The following FBXO11 variants were observed in gnomAD, a reference collection of about 807,000 sequenced individuals.
The protein encoded by FBXO11 is F-box protein 11.
In FBXO11, 13 loss-of-function variants were observed where a neutral mutation model predicts 117.0. That is an observed-to-expected ratio of 0.11 (90% CI 0.07 to 0.18). The LOEUF (loss-of-function observed/expected upper bound fraction) is 0.18. FBXO11 is among the 10% of genes least tolerant of loss of function. The pLI, the probability that FBXO11 is intolerant of heterozygous loss-of-function variation, is 1.00. For synonymous variants in FBXO11, 490 were observed against 380.5 expected (o/e 1.29, Z -3.35); for missense variants, 767 against 1,164.4 (o/e 0.66, Z 4.97).
intron 1 of FBXO11, among the ~76,000 whole-genome samples, chr2:47,901,079 G>A (rs1572934309): frequency 1.6e-5 from 2 of 125,158 alleles, no homozygotes; most frequent in Admixed American, 7.9e-5. Flanking sequence ...ATATACACAC[G>A]TGTGTACATA....
At chr2:47,856,162 G>C (rs1032446774) in intron 1 of FBXO11, among the ~76,000 whole-genome samples, 2 of 152,094 alleles carry the variant, frequency 1.3e-5, no homozygotes, top group African/African-American at 4.8e-5. Flanking sequence ...CTCAGAAAAT[G>C]CAAGTACAAC....
At chr2:47,905,402 CCCCGCCCG>C (rs545418712) in intron 1 of FBXO11, 79 bp downstream of exon 1, 122,024 of 1,094,178 alleles carry the variant, frequency 0.11, 7,109 homozygotes, top group Non-Finnish European at 0.12. Context: ...CGCAGGCCGC[CCCCGCCCG>C]CCCGCCCGCC....
chr2:47,869,980 A>T (rs1675504228), intron 1 of FBXO11, among the ~76,000 whole-genome samples: 1 of 152,162 alleles, frequency 6.6e-6, no homozygotes, highest in Non-Finnish European at 1.5e-5. Flanking sequence ...CCTGGCCAAG[A>T]TTAGAATTTA....
At chr2:47,856,328 T>A (rs894841749) in intron 1 of FBXO11, among the ~76,000 whole-genome samples, 1 of 152,152 alleles carries the variant, frequency 6.6e-6, no homozygotes, top group African/African-American at 2.4e-5. Context: ...GAAGACATAT[T>A]TCAGCAAAAC....
chr2:47,885,742 C>A (rs1676785349), intron 1 of FBXO11, among the ~76,000 whole-genome samples: 1 of 152,106 alleles, frequency 6.6e-6, no homozygotes, highest in African/African-American at 2.4e-5. Context: ...CAAAAAAATG[C>A]CAACATAAAG....
At chr2:47,841,769 T>C (rs1005568225) in intron 1 of FBXO11, among the ~76,000 whole-genome samples, 1 of 151,594 alleles carries the variant, frequency 6.6e-6, no homozygotes, top group Non-Finnish European at 1.5e-5. Context: ...GCCTCCTGAG[T>C]AGCTGGGACT....
rs766752833 is a variant in FBXO11, at chr2:47,832,483, T to C, written c.1264A>G (p.Ile422Val). Residue 422 changes from isoleucine (I) to valine (V), a missense_variant, in exon 11 of 23, where the codon ATA (isoleucine) becomes GTA (valine). This residue lies in a region of FBXO11 where 33 missense variants were observed against 66.1 expected (regional missense o/e 0.50). Coordinates refer to ENST00000403359, the MANE Select transcript of FBXO11 (RefSeq NM_001190274.2). Reference sequence around the variant, plus strand: ...TTGGAAATTTCATTATCCTCATATATTCCCTACAACAAGTTATCAGAAACA... The same window carrying C: ...TTGGAAATTTCATTATCCTCATATACTCCCTACAACAAGTTATCAGAAACA... ...GLYITDHAQG[I>V]YEDNEISNNA... 2.5e-6 allele frequency: 4 copies of C among 1,612,928 alleles called. No individual in the cohort carries two copies. Among genetic ancestry groups the C allele is most frequent in the South Asian group, 2.2e-5 (2 of 90,944 alleles).
rs1471211387 is a variant in FBXO11, at chr2:47,810,297, A to G, written c.2338+19T>C. On this transcript the variant is annotated intron_variant, in intron 19 of 22. Transcript: ENST00000403359. ...GCAGAACTATATATAAGCCACAGGT[A>G]AGAAAAGAAAATACAAACCTGCGGC... 6.6e-7 allele frequency: 1 copy of G among 1,508,114 alleles called. No homozygotes were observed. Among genetic ancestry groups the G allele is most frequent in the South Asian group, 1.2e-5 (1 of 85,182 alleles). 93.4% of individuals were successfully genotyped at this position (1,508,114 alleles called of 1,614,324 possible). A position where few individuals can be genotyped will look rare whatever the true frequency, so the allele number is the denominator to read the frequency against.
chr2:47,901,789 T>G (rs764644879), intron 1 of FBXO11, among the ~76,000 whole-genome samples: 4 of 152,194 alleles, frequency 2.6e-5, no homozygotes, highest in Non-Finnish European at 4.4e-5. Flanking sequence ...AATACATTCC[T>G]GCAGTAAAGA....
At chr2:47,816,601 G>T (rs957474740) in intron 16 of FBXO11, among the ~76,000 whole-genome samples, 1 of 152,124 alleles carries the variant, frequency 6.6e-6, no homozygotes, top group Non-Finnish European at 1.5e-5. Flanking sequence ...TTTCTAAAAA[G>T]TATTTCTTAC....
At chr2:47,877,981 C>T (rs1234089359) in intron 1 of FBXO11, among the ~76,000 whole-genome samples, 1 of 152,138 alleles carries the variant, frequency 6.6e-6, no homozygotes, top group East Asian at 1.9e-4. Flanking sequence ...CCGTGCCTGG[C>T]CCAGAATGAG....
intron 4 of FBXO11, among the ~76,000 whole-genome samples, chr2:47,837,201 T>A (rs553907732): frequency 1.3e-5 from 2 of 152,240 alleles, no homozygotes; most frequent in Non-Finnish European, 2.9e-5. Flanking sequence ...CTGCTCTTCA[T>A]TCTCATTTCT....
chr2:47,817,004 T>C (rs373343958), intron 16 of FBXO11, among the ~76,000 whole-genome samples: 1 of 152,216 alleles, frequency 6.6e-6, no homozygotes, highest in Non-Finnish European at 1.5e-5. Flanking sequence ...AGTCAGGCAT[T>C]GACTTCTCCC....
rs920107554 is a variant in FBXO11 at position 47,831,427 on chromosome 2, GAAAAAAA to G, written c.1398+915_1398+921del. On this transcript the variant is annotated intron_variant, in intron 11 of 22. Transcript: ENST00000403359. ...CAAGGGTGAAACTCGGTCTCAAAAA[GAAAAAAA>G]AAAAAAAAAAAAAAGAAAAATGAAA... 4.3e-3 allele frequency among the ~76,000 whole-genome samples: 280 copies of G among 65,776 alleles called. 3 individuals carry two copies. In the East Asian group the frequency reaches 0.077, roughly 18 times the overall value. The allele number at this position is 65,776 out of a possible 152,430, so 43.2% of individuals were successfully genotyped here. A position where few individuals can be genotyped will look rare whatever the true frequency, so the allele number is the denominator to read the frequency against.
At chr2:47,826,128 G>A (rs772172024) in intron 11 of FBXO11, among the ~76,000 whole-genome samples, 34 of 151,826 alleles carry the variant, frequency 2.2e-4, no homozygotes, top group Non-Finnish European at 2.6e-4. Flanking sequence ...GCACGATCTC[G>A]GCTCACTGCA....
chr2:47,862,161 T>C (rs968010959), intron 1 of FBXO11, among the ~76,000 whole-genome samples: 1 of 152,208 alleles, frequency 6.6e-6, no homozygotes, highest in African/African-American at 2.4e-5. Flanking sequence ...CCTCAAGTGA[T>C]CTGCCTGTTT....
intron 1 of FBXO11, among the ~76,000 whole-genome samples, chr2:47,861,362 A>C (rs1488275387): frequency 7.0e-6 from 1 of 141,900 alleles, no homozygotes; most frequent in African/African-American, 2.6e-5. Flanking sequence ...TCTGTTGCTC[A>C]GGCAGAAGTG....
chr2:47,889,742 C>T lies in FBXO11; in HGVS notation c.232+15747G>A, dbSNP rs547038824. Among the ~76,000 whole-genome samples the T allele has an allele frequency of 1.5e-4, 22 of 151,532 alleles. No homozygotes were observed. The South Asian group carries it at 3.3e-3, about 23-fold the overall frequency. ...TCTTCACAGGTAAACTCAAGTTTTACGAAAAGAAAATATTCCCCACATAAA... is the reference window on the plus strand; with the variant it reads ...TCTTCACAGGTAAACTCAAGTTTTATGAAAAGAAAATATTCCCCACATAAA... On this transcript the variant is annotated intron_variant, in intron 1 of 22. Transcript: ENST00000403359.
Position 47,906,008 on chromosome 2 carries a change from G to A in FBXO11, c.-288C>T, listed in dbSNP as rs1043436289. 34 of 339,492 alleles carry A rather than the reference G, an allele frequency of 1.0e-4. 1 individual carries two copies. The highest frequency in any genetic ancestry group is 6.3e-4 in the African/African-American group (29 of 46,096). 21.0% of individuals were successfully genotyped at this position (339,492 alleles called of 1,614,324 possible). A position where few individuals can be genotyped will look rare whatever the true frequency, so the allele number is the denominator to read the frequency against. ...CCGCGAGGGACGAAGGCAGAAAGAC[G>A]GGCAGACCGAGAGAAAGAAAGAAAG... On this transcript the variant is annotated 5_prime_UTR_variant, in exon 1 of 23. Transcript: ENST00000403359.
Sources: allele counts gnomAD v4.1 joint callset (sites outside exome capture counted in the v4.1 genomes callset), GRCh38; gene constraint gnomAD v4.1.1; regional missense constraint gnomAD v4.1.1; transcripts MANE v1.5; gene names NCBI Gene and HGNC (gene_info 2026-07-23, HGNC 2026-07-21).